LAMA2: variants seen among roughly 807,000 people sequenced by gnomAD.
LAMA2 encodes laminin subunit alpha 2.
A neutral mutation model predicts 364.8 loss-of-function variants in LAMA2; 269 were observed. That is an observed-to-expected ratio of 0.74 (90% CI 0.67 to 0.82). The LOEUF (loss-of-function observed/expected upper bound fraction) is 0.82. Ranked by LOEUF, LAMA2 falls within the 40% of genes least tolerant of loss-of-function variation. LAMA2 has a pLI of 0.00. For synonymous variants in LAMA2, 1,379 were observed against 1,370.6 expected (o/e 1.01, Z -0.14); for missense variants, 3,807 against 3,873.2 (o/e 0.98, Z 0.45).
Position 128,980,369 on chromosome 6 carries a change from A to G in LAMA2, c.113-69549A>G, listed in dbSNP as rs184642824. 3.7e-3 allele frequency among the ~76,000 whole-genome samples: 568 copies of G among 152,362 alleles called. 5 individuals are homozygous for G. Among genetic ancestry groups the G allele is most frequent in the African/African-American group, 0.013 (539 of 41,588 alleles). Reference sequence around the variant, plus strand: ...CGTAGTCTGCTGACAGTAACCTGCCAGGTTCTAGACTTCCATATTGATTAC... The same window carrying G: ...CGTAGTCTGCTGACAGTAACCTGCCGGGTTCTAGACTTCCATATTGATTAC... On this transcript the variant is annotated intron_variant, in intron 1 of 64. Coordinates refer to ENST00000421865, the MANE Select transcript of LAMA2 (RefSeq NM_000426.4).
intron 1 of LAMA2, among the ~76,000 whole-genome samples, chr6:128,937,265 C>T (rs767410482): frequency 1.3e-5 from 2 of 152,028 alleles, no homozygotes; most frequent in Non-Finnish European, 2.9e-5. Flanking sequence ...ATTTGATTTG[C>T]TAGTATTTTT....
At chr6:128,969,143 A>G (rs2114612705) in intron 1 of LAMA2, among the ~76,000 whole-genome samples, 1 of 152,286 alleles carries the variant, frequency 6.6e-6, no homozygotes, top group South Asian at 2.1e-4. Context: ...AATTCTGGCT[A>G]ACACCTTGGC....
intron 17 of LAMA2, among the ~76,000 whole-genome samples, chr6:129,275,008 C>T (rs1026691074): frequency 6.6e-6 from 1 of 151,876 alleles, no homozygotes; most frequent in Non-Finnish European, 1.5e-5. Context: ...TCAATAAGTT[C>T]TATCTACTAA....
At chr6:129,158,959 A>T (rs1779296141) in intron 8 of LAMA2, 9 of 1,589,674 alleles carry the variant, frequency 5.7e-6, no homozygotes, top group Non-Finnish European at 7.8e-6. Context: ...AAGGCAAGGT[A>T]TCCTCTGGTG....
intron 12 of LAMA2, among the ~76,000 whole-genome samples, chr6:129,226,832 G>A (rs1402081363): frequency 1.3e-5 from 2 of 152,154 alleles, no homozygotes; most frequent in African/African-American, 4.8e-5. Context: ...TTCTCGAGGA[G>A]TATCTTTGTG....
intron 22 of LAMA2, 81 bp downstream of exon 22, chr6:129,300,953 A>T: frequency 8.5e-7 from 1 of 1,180,954 alleles, no homozygotes; most frequent in Admixed American, 1.7e-5. Context: ...GCATTTCAAA[A>T]TTCAATATTA....
chr6:128,924,652 G>C (rs1778972797), intron 1 of LAMA2, among the ~76,000 whole-genome samples: 1 of 152,124 alleles, frequency 6.6e-6, no homozygotes, highest in African/African-American at 2.4e-5. Context: ...AAAGCTCAAT[G>C]TACAGGTAGC....
chr6:129,263,997 G>C (rs1787317875), intron 15 of LAMA2, among the ~76,000 whole-genome samples: 1 of 152,118 alleles, frequency 6.6e-6, no homozygotes, highest in Non-Finnish European at 1.5e-5. Flanking sequence ...TCCCACCTCA[G>C]CCTCCCAAAG....
intron 4 of LAMA2, among the ~76,000 whole-genome samples, chr6:129,115,956 T>C (rs1295316943): frequency 1.3e-5 from 2 of 152,162 alleles, no homozygotes; most frequent in Non-Finnish European, 2.9e-5. Flanking sequence ...CTTCTTTTCC[T>C]GACCTCCTAG....
At chr6:129,121,014 T>G (rs544803054) in intron 4 of LAMA2, among the ~76,000 whole-genome samples, 1 of 152,300 alleles carries the variant, frequency 6.6e-6, no homozygotes, top group South Asian at 2.1e-4. Context: ...GCTGAAATGA[T>G]TAACATTATG....
At chr6:129,016,728 T>G (rs968417765) in intron 1 of LAMA2, among the ~76,000 whole-genome samples, 5 of 151,882 alleles carry the variant, frequency 3.3e-5, no homozygotes, top group African/African-American at 7.2e-5. Flanking sequence ...TCTCTTTTGA[T>G]CTATATGATG....
At chr6:129,314,201 C>CA (rs1330049979) in intron 23 of LAMA2, among the ~76,000 whole-genome samples, 2 of 152,018 alleles carry the variant, frequency 1.3e-5, no homozygotes, top group Non-Finnish European at 2.9e-5. Flanking sequence ...GAGATCGAGA[C>CA]AATCCTGGCT....
chr6:129,131,665 C>T (rs1442476592), intron 4 of LAMA2, among the ~76,000 whole-genome samples: 5 of 152,128 alleles, frequency 3.3e-5, no homozygotes, highest in Non-Finnish European at 7.4e-5. Context: ...CAACATCCTA[C>T]AAAACTAGTA....
chr6:129,426,197 C>T (rs1190881766), intron 40 of LAMA2, among the ~76,000 whole-genome samples: 2 of 152,140 alleles, frequency 1.3e-5, no homozygotes, highest in East Asian at 1.9e-4. Context: ...TTCCTCTCTC[C>T]ACTTTTTAGA....
At chr6:128,967,274 G>A (rs1781902616) in intron 1 of LAMA2, among the ~76,000 whole-genome samples, 1 of 151,936 alleles carries the variant, frequency 6.6e-6, no homozygotes, top group South Asian at 2.1e-4. Flanking sequence ...ATCAAATACT[G>A]ACTTAAAGAG....
chr6:128,896,563 T>C (rs1265935814), intron 1 of LAMA2, among the ~76,000 whole-genome samples: 1 of 152,228 alleles, frequency 6.6e-6, no homozygotes, highest in Non-Finnish European at 1.5e-5. Context: ...TTCAATTCTC[T>C]TTATTCTCTT....
At chr6:129,230,766 T>A (rs1784627687) in intron 12 of LAMA2, among the ~76,000 whole-genome samples, 1 of 152,000 alleles carries the variant, frequency 6.6e-6, no homozygotes, top group South Asian at 2.1e-4. Flanking sequence ...AAGATAGAGG[T>A]TAGATTTAAC....
At chr6:129,251,102 A>ATG (rs1786205351) in intron 13 of LAMA2, among the ~76,000 whole-genome samples, 1 of 122,660 alleles carries the variant, frequency 8.2e-6, no homozygotes, top group African/African-American at 3.1e-5. Context: ...ATATATATAT[A>ATG]TATGGCAACT....
chr6:129,223,222 T>A (rs1222957988), intron 12 of LAMA2, among the ~76,000 whole-genome samples: 1 of 152,164 alleles, frequency 6.6e-6, no homozygotes, highest in Non-Finnish European at 1.5e-5. Flanking sequence ...GTTTGAGTTC[T>A]TTGTAGATTC....
Sources: allele counts gnomAD v4.1 joint callset (sites outside exome capture counted in the v4.1 genomes callset), GRCh38; gene constraint gnomAD v4.1.1; transcripts MANE v1.5; gene names NCBI Gene and HGNC (gene_info 2026-07-23, HGNC 2026-07-21).